Variants in ZC4H2 observed in about 807,000 individuals in gnomAD.
ZC4H2 encodes the protein zinc finger C4H2 domain-containing protein.
For missense variants in ZC4H2, 137 were observed against 173.9 expected (o/e 0.79, Z 1.19); for synonymous variants, 84 against 66.3 (o/e 1.27, Z -1.30).
chrX:64,998,914 C>T (rs930413977), intron 1 of ZC4H2, among the ~76,000 whole-genome samples: 2 of 109,351 alleles, frequency 1.8e-5, no homozygotes, highest in Non-Finnish European at 3.8e-5. Context: ...TTAGCATAAC[C>T]AATCCTGATC....
chrX:64,961,979 C>T (rs1295820834), intron 1 of ZC4H2, among the ~76,000 whole-genome samples: 3 of 111,415 alleles, frequency 2.7e-5, no homozygotes, highest in African/African-American at 9.7e-5. Context: ...TGGCTTCTGA[C>T]AGACACTTAA....
At chrX:64,967,188 C>G (rs1931621888) in intron 1 of ZC4H2, among the ~76,000 whole-genome samples, 1 of 111,451 alleles carries the variant, frequency 9.0e-6, no homozygotes, top group Non-Finnish European at 1.9e-5. Flanking sequence ...TAATTTGTTG[C>G]ATTTGAGGTA....
At chrX:64,947,691 T>C (rs924542716) in intron 1 of ZC4H2, among the ~76,000 whole-genome samples, 1 of 112,048 alleles carries the variant, frequency 8.9e-6, no homozygotes, top group Non-Finnish European at 1.9e-5. Context: ...GGAGTATGTG[T>C]CTGTAACAAT....
chrX:64,984,955 C>T (rs1461487130), intron 1 of ZC4H2, among the ~76,000 whole-genome samples: 2 of 112,355 alleles, frequency 1.8e-5, no homozygotes, highest in East Asian at 2.8e-4. Flanking sequence ...ATTTTCCTCA[C>T]TGTCACAATG....
chrX:64,935,349 T>A (rs1409415939), intron 1 of ZC4H2, among the ~76,000 whole-genome samples: 1 of 111,538 alleles, frequency 9.0e-6, no homozygotes, highest in Non-Finnish European at 1.9e-5. Flanking sequence ...AAAACCCCTA[T>A]CTCCCTGGGA....
At chrX:64,989,936 C>G (rs1036623435) in intron 1 of ZC4H2, among the ~76,000 whole-genome samples, 28 of 111,739 alleles carry the variant, frequency 2.5e-4, no homozygotes, top group Admixed American at 9.5e-5. Flanking sequence ...TGAGCATGCA[C>G]AACGGTACAA....
intron 1 of ZC4H2, among the ~76,000 whole-genome samples, chrX:64,989,447 T>A (rs1244922737): frequency 8.9e-6 from 1 of 111,816 alleles, no homozygotes; most frequent in Non-Finnish European, 1.9e-5. Flanking sequence ...CCCTTGTAAG[T>A]TGGATTCCTA....
chrX:65,027,674 AAGTGCATCC>A (rs1383890065), intron 1 of ZC4H2, among the ~76,000 whole-genome samples: 3 of 111,519 alleles, frequency 2.7e-5, no homozygotes, highest in Admixed American at 1.9e-4. Context: ...CCAAACTTAG[AAGTGCATCC>A]ACTCTTGGGA....
At chrX:64,975,158 G>A (rs937560006) in intron 1 of ZC4H2, among the ~76,000 whole-genome samples, 10 of 109,868 alleles carry the variant, frequency 9.1e-5, no homozygotes, top group Non-Finnish European at 1.7e-4. Flanking sequence ...AGCTGTAAAG[G>A]AGGAGTAGGA....
intron 1 of ZC4H2, among the ~76,000 whole-genome samples, chrX:64,935,036 G>T (rs927742297): frequency 1.8e-5 from 2 of 111,224 alleles, no homozygotes; most frequent in Non-Finnish European, 3.8e-5. Flanking sequence ...TTGCTCAGTG[G>T]GTTCCAACCC....
intron 1 of ZC4H2, among the ~76,000 whole-genome samples, chrX:65,031,859 T>C (rs1335027126): frequency 2.7e-5 from 3 of 112,494 alleles, no homozygotes; most frequent in Non-Finnish European, 5.6e-5. Flanking sequence ...TTTATTATTC[T>C]GTTGGAAGAA....
chrX:65,012,307 A>T (rs1183265298), intron 1 of ZC4H2, among the ~76,000 whole-genome samples: 1 of 110,051 alleles, frequency 9.1e-6, no homozygotes, highest in African/African-American at 3.3e-5. Flanking sequence ...CTAGTACATT[A>T]ATTGCAATCT....
chrX:64,997,619 T>C (rs1455114280), intron 1 of ZC4H2, among the ~76,000 whole-genome samples: 1 of 112,488 alleles, frequency 8.9e-6, no homozygotes, highest in East Asian at 2.8e-4. Context: ...GTGGCATTTA[T>C]TTTTTTGAGA....
At chrX:64,938,678 C>T (rs1468641662) in intron 1 of ZC4H2, among the ~76,000 whole-genome samples, 1 of 111,695 alleles carries the variant, frequency 9.0e-6, no homozygotes, top group Non-Finnish European at 1.9e-5. Context: ...TAACCAATGA[C>T]AAAAAAGTCA....
chrX:64,969,945 A>G (rs1931719464), intron 1 of ZC4H2, among the ~76,000 whole-genome samples: 1 of 111,640 alleles, frequency 9.0e-6, no homozygotes, highest in South Asian at 3.8e-4. Context: ...TGTAAGTTAA[A>G]TGGGCAGTTA....
chrX:64,924,047 G>C (rs1006297409), intron 1 of ZC4H2, among the ~76,000 whole-genome samples: 1 of 111,684 alleles, frequency 9.0e-6, no homozygotes, highest in Non-Finnish European at 1.9e-5. Flanking sequence ...TCTAGGTTAC[G>C]TGAAGATAAA....
At chrX:64,961,539 T>C (rs758717218) in intron 1 of ZC4H2, among the ~76,000 whole-genome samples, 1 of 111,565 alleles carries the variant, frequency 9.0e-6, no homozygotes, top group Admixed American at 9.6e-5. Context: ...ATAATTCTAT[T>C]AACCATGTGA....
At chrX:64,980,653 C>T (rs774845356), upstream of ZC4H2, among the ~76,000 whole-genome samples, 93 of 111,128 alleles carry the variant, frequency 8.4e-4, no homozygotes, top group Non-Finnish European at 1.7e-3. Flanking sequence ...TATTATCATC[C>T]TTATTTTACA....
At chrX:64,937,256 A>T (rs1402418738) in intron 1 of ZC4H2, among the ~76,000 whole-genome samples, 1 of 111,361 alleles carries the variant, frequency 9.0e-6, no homozygotes, top group Non-Finnish European at 1.9e-5. Flanking sequence ...ATATATATGC[A>T]CCCAATACAG....
Sources: allele counts gnomAD v4.1 joint callset (sites outside exome capture counted in the v4.1 genomes callset), GRCh38; gene constraint gnomAD v4.1.1; transcripts MANE v1.5; gene names NCBI Gene and HGNC (gene_info 2026-07-23, HGNC 2026-07-21).